MPPED1: variants seen among roughly 807,000 people sequenced by gnomAD.
The protein encoded by MPPED1 is metallophosphoesterase domain containing 1, also known as metallophosphoesterase domain-containing protein 1.
A neutral mutation model predicts 36.2 loss-of-function variants in MPPED1; 16 were observed. That is an observed-to-expected ratio of 0.44 (90% CI 0.30 to 0.67). The LOEUF is 0.67. Among genes scored for constraint, MPPED1 ranks in the 30% least tolerant of loss-of-function variants. The pLI, the probability that MPPED1 is intolerant of heterozygous loss-of-function variation, is 0.10. For synonymous variants in MPPED1, 199 were observed against 191.3 expected, an observed-to-expected ratio of 1.04 and a Z score of -0.33; for missense variants, 307 against 453.4, an observed-to-expected ratio of 0.68 and a Z score of 2.93.
intron 3 of MPPED1, among the ~76,000 whole-genome samples, chr22:43,456,192 G>A (rs1199341587): frequency 1.3e-5 from 2 of 152,218 alleles, no homozygotes; most frequent in African/African-American, 2.4e-5. Context: ...AATAGAAATG[G>A]CAAGAGTGAA....
intron 2 of MPPED1, among the ~76,000 whole-genome samples, chr22:43,429,490 C>A (rs907033274): frequency 6.6e-6 from 1 of 152,232 alleles, no homozygotes. Flanking sequence ...CCTCTGATCC[C>A]AGCTTTTTGC....
chr22:43,456,089 T>A (rs1930743378), intron 3 of MPPED1, among the ~76,000 whole-genome samples: 1 of 152,240 alleles, frequency 6.6e-6, no homozygotes, highest in Non-Finnish European at 1.5e-5. Context: ...TCTCTGTGAA[T>A]AGAGACAGTT....
At chr22:43,456,034 T>C (rs1930741208) in intron 3 of MPPED1, among the ~76,000 whole-genome samples, 1 of 152,238 alleles carries the variant, frequency 6.6e-6, no homozygotes, top group African/African-American at 2.4e-5. Flanking sequence ...GTGGTGGCTG[T>C]TGGCAACCTT....
At position 43,502,663 on chromosome 22, in the gene MPPED1, C is replaced by T; in HGVS notation, c.768C>T (p.Pro256=). ...GPPLGFLDWV[P]KKMQRVGCVE... is the part of the protein sequence containing the mutation. Reference sequence around the variant, plus strand: ...TACCAGGCTTCCTGGACTGGGTCCCCAAGAAGATGCAGCGGGTGGGCTGTG... The same window carrying T: ...TACCAGGCTTCCTGGACTGGGTCCCTAAGAAGATGCAGCGGGTGGGCTGTG... The change falls in exon 6 of 7, where the codon CCC becomes CCT. Residue 256 remains proline, a synonymous_variant. Coordinates refer to ENST00000443721, the MANE Select transcript of MPPED1 (RefSeq NM_001044370.2). The surrounding 1 kb of genome is among the most constrained non-coding windows in gnomAD (Gnocchi z 5.5). 2.5e-6 allele frequency: 4 copies of T among 1,613,268 alleles called. No individual in the cohort carries two copies. Among genetic ancestry groups the T allele is most frequent in the Non-Finnish European group, 3.4e-6 (4 of 1,179,840 alleles).
chr22:43,487,405 C>T (rs995702063), intron 4 of MPPED1, among the ~76,000 whole-genome samples: 6 of 152,124 alleles, frequency 3.9e-5, no homozygotes, highest in African/African-American at 1.4e-4. Context: ...TGGTGAGCTC[C>T]GTGGGGATCC....
At chr22:43,454,850 A>G (rs1455196424) in intron 3 of MPPED1, among the ~76,000 whole-genome samples, 1 of 152,066 alleles carries the variant, frequency 6.6e-6, no homozygotes, top group Non-Finnish European at 1.5e-5. Context: ...GTTCTCTCAC[A>G]TCTTATGAAA....
intron 3 of MPPED1, among the ~76,000 whole-genome samples, chr22:43,439,831 A>G (rs371562800): frequency 1.3e-4 from 19 of 151,938 alleles, no homozygotes; most frequent in African/African-American, 4.3e-4. Context: ...TGGACTCCTC[A>G]CTCGTAGAAT....
At chr22:43,434,855 A>G (rs903341575) in intron 2 of MPPED1, among the ~76,000 whole-genome samples, 179 bp from the exon 3 acceptor site, 4 of 152,208 alleles carry the variant, frequency 2.6e-5, no homozygotes, top group Non-Finnish European at 5.9e-5. Flanking sequence ...TAAAGATGAG[A>G]GAAGTCAGGA....
At chr22:43,442,078 G>T (rs941539803) in intron 3 of MPPED1, among the ~76,000 whole-genome samples, 1 of 151,942 alleles carries the variant, frequency 6.6e-6, no homozygotes, top group Non-Finnish European at 1.5e-5. Flanking sequence ...AGTACTTTCT[G>T]GTGCAAGCTG....
chr22:43,493,548 G>A (rs945741142), intron 4 of MPPED1, among the ~76,000 whole-genome samples: 6 of 152,206 alleles, frequency 3.9e-5, no homozygotes, highest in African/African-American at 1.4e-4. Context: ...CACCCTGTTG[G>A]GGGCCGGCAC....
At chr22:43,505,240 C>T (rs114664720) in intron 6 of MPPED1, among the ~76,000 whole-genome samples, 2,675 of 152,154 alleles carry the variant, frequency 0.018, 79 homozygotes, top group African/African-American at 0.061. Flanking sequence ...TGACTCACTG[C>T]GTGCTTCTTA....
chr22:43,489,573 C>T (rs1276887929), intron 4 of MPPED1, among the ~76,000 whole-genome samples: 1 of 151,828 alleles, frequency 6.6e-6, no homozygotes, highest in Non-Finnish European at 1.5e-5. Flanking sequence ...GGCTGGAGTG[C>T]AGTGGCATGA....
At chr22:43,505,311 A>G (rs1932786265) in intron 6 of MPPED1, among the ~76,000 whole-genome samples, 187 bp from the exon 7 acceptor site, 1 of 152,078 alleles carries the variant, frequency 6.6e-6, no homozygotes, top group Non-Finnish European at 1.5e-5. Context: ...TCCTCACAGC[A>G]GGCTTGGAAG....
intron 1 of MPPED1, among the ~76,000 whole-genome samples, chr22:43,420,486 C>A (rs952641634): frequency 2.6e-5 from 4 of 151,958 alleles, no homozygotes; most frequent in Non-Finnish European, 5.9e-5. Context: ...CTGAATGCAA[C>A]CTCCACCTCC....
At chr22:43,436,267 A>G (rs1929955865) in intron 3 of MPPED1, among the ~76,000 whole-genome samples, 1 of 152,162 alleles carries the variant, frequency 6.6e-6, no homozygotes, top group African/African-American at 2.4e-5. Context: ...GCTGCCGTGG[A>G]GGCGTGGGTG....
chr22:43,412,263 C>G (rs1928928923), intron 1 of MPPED1, 105 bp downstream of exon 1: 1 of 727,076 alleles, frequency 1.4e-6, no homozygotes, highest in Admixed American at 6.3e-5. Context: ...CGGCGCTGCG[C>G]AGGGGCGCCC....
At position 43,412,114 on chromosome 22, in the gene MPPED1, G is replaced by A. The variant is rs2146804705; in HGVS notation, c.-123G>A. The A allele has an allele frequency of 1.0e-6, 1 of 979,542 alleles. No homozygotes were observed. Among genetic ancestry groups the A allele is most frequent in the South Asian group, 4.7e-5 (1 of 21,308 alleles). The allele number at this position is 979,542 out of a possible 1,614,324, so 60.7% of individuals were successfully genotyped here. ...GCCCCTGCCTCCCTCGGTGCGCGCT[G>A]CTGCTCGCAGCCGCCGCGGCCGCCG... On this transcript the variant is annotated 5_prime_UTR_variant, in exon 1 of 7. Transcript: ENST00000443721.
intron 4 of MPPED1, among the ~76,000 whole-genome samples, chr22:43,482,210 G>T (rs1378290095): frequency 2.0e-5 from 3 of 152,142 alleles, no homozygotes; most frequent in African/African-American, 4.8e-5. Flanking sequence ...AAACGGCCTT[G>T]ATTTAAAAAA....
At chr22:43,439,965 G>T (rs763192712) in intron 3 of MPPED1, among the ~76,000 whole-genome samples, 1 of 152,226 alleles carries the variant, frequency 6.6e-6, no homozygotes. Context: ...CAGAGCTCCT[G>T]GTCTAGGCTC....
Sources: allele counts gnomAD v4.1 joint callset (sites outside exome capture counted in the v4.1 genomes callset), GRCh38; gene constraint gnomAD v4.1.1; non-coding constraint Gnocchi (gnomAD v3.1); transcripts MANE v1.5; gene names NCBI Gene and HGNC (gene_info 2026-07-23, HGNC 2026-07-21).